The following GPR39 variants were observed in gnomAD, a reference collection of about 807,000 sequenced individuals.
GPR39 encodes the protein G protein-coupled receptor 39, also known as zinc sensing receptor.
A neutral mutation model predicts 18.4 loss-of-function variants in GPR39; 23 were observed. The observed-to-expected ratio is 1.25, with a 90% CI of 0.90 to 1.77. The LOEUF (loss-of-function observed/expected upper bound fraction) is 1.77, where lower values mean the gene tolerates loss of function less well. Ranked by LOEUF, GPR39 falls within the 40% of genes most tolerant of loss-of-function variation. The pLI is 0.00. For synonymous variants in GPR39, 280 were observed against 257.9 expected, an observed-to-expected ratio of 1.09 and a Z score of -0.82; for missense variants, 647 against 602.4, an observed-to-expected ratio of 1.07 and a Z score of -0.78.
In GPR39 at chr2:132,543,745, C is replaced by G. The variant is rs574843903; in HGVS notation, c.857-101356C>G. On this transcript the variant is annotated intron_variant, in intron 1 of 1. Coordinates refer to ENST00000329321, the MANE Select transcript of GPR39 (RefSeq NM_001508.3). ...AATGGATCTTTGTTACTGAACTGAA[C>G]TGGGGTCTCCTCACCCAGCTCAGTA... 8.1e-4 allele frequency among the ~76,000 whole-genome samples: 124 copies of G among 152,256 alleles called. 2 individuals are homozygous for G. The highest frequency in any genetic ancestry group is 2.8e-3 in the African/African-American group (117 of 41,566).
chr2:132,557,854 C>T (rs1453984519), intron 1 of GPR39, among the ~76,000 whole-genome samples: 2 of 152,206 alleles, frequency 1.3e-5, no homozygotes, highest in African/African-American at 4.8e-5. Flanking sequence ...TGACCTCCCC[C>T]ATGCCGCCCG....
intron 1 of GPR39, among the ~76,000 whole-genome samples, chr2:132,543,660 A>G (rs1452179614): frequency 1.3e-5 from 2 of 152,178 alleles, no homozygotes; most frequent in African/African-American, 2.4e-5. Flanking sequence ...TAGCAGCCAC[A>G]TTAGTATTAT....
intron 1 of GPR39, among the ~76,000 whole-genome samples, chr2:132,628,110 C>A (rs758437505): frequency 2.0e-5 from 3 of 152,170 alleles, no homozygotes; most frequent in Non-Finnish European, 2.9e-5. Flanking sequence ...TGGACTGCCC[C>A]CAGCCCCCAA....
chr2:132,607,935 A>T (rs1487629553), intron 1 of GPR39, among the ~76,000 whole-genome samples: 4 of 152,204 alleles, frequency 2.6e-5, no homozygotes. Context: ...AATAATTATT[A>T]AAACCCAGAA....
At chr2:132,516,539 A>G (rs967727691) in intron 1 of GPR39, among the ~76,000 whole-genome samples, 2 of 152,238 alleles carry the variant, frequency 1.3e-5, no homozygotes, top group Admixed American at 1.3e-4. Context: ...AGCAAAGAAC[A>G]TACAATGTCA....
intron 1 of GPR39, among the ~76,000 whole-genome samples, chr2:132,463,004 A>G (rs1680861168): frequency 1.3e-5 from 2 of 152,210 alleles, no homozygotes; most frequent in South Asian, 4.2e-4. Flanking sequence ...CAGAAAATGT[A>G]CTCTGTTCAT....
intron 1 of GPR39, among the ~76,000 whole-genome samples, chr2:132,527,250 T>C (rs1021362765): frequency 6.6e-6 from 1 of 152,222 alleles, no homozygotes; most frequent in Admixed American, 6.5e-5. Context: ...TTCATCCATG[T>C]CCCTGCAAAG....
chr2:132,605,731 G>A (rs1681125619), intron 1 of GPR39, among the ~76,000 whole-genome samples: 1 of 152,182 alleles, frequency 6.6e-6, no homozygotes, highest in South Asian at 2.1e-4. Flanking sequence ...TCCCCATTAA[G>A]AATCCCTGAG....
intron 1 of GPR39, among the ~76,000 whole-genome samples, chr2:132,435,974 G>A (rs36007270): frequency 1.3e-5 from 2 of 152,166 alleles, no homozygotes; most frequent in Admixed American, 6.5e-5. Context: ...GAAAGCAAAA[G>A]TGTCAGCCCA....
chr2:132,534,159 C>T (rs1019884827), intron 1 of GPR39, among the ~76,000 whole-genome samples: 2 of 151,872 alleles, frequency 1.3e-5, no homozygotes, highest in Non-Finnish European at 2.9e-5. Flanking sequence ...AAAAACAACC[C>T]CATCAAAAAG....
At chr2:132,463,534 A>C (rs1680870958) in intron 1 of GPR39, among the ~76,000 whole-genome samples, 2 of 150,378 alleles carry the variant, frequency 1.3e-5, no homozygotes, top group Non-Finnish European at 2.9e-5. Flanking sequence ...TTATGCATCG[A>C]TTTTGGTCTA....
At chr2:132,619,812 CACACAG>C (rs1230200156) in intron 1 of GPR39, among the ~76,000 whole-genome samples, 37 of 145,806 alleles carry the variant, frequency 2.5e-4, no homozygotes, top group East Asian at 9.9e-4. Context: ...CCCCAACATA[CACACAG>C]ACACAGACAC....
At chr2:132,512,978 G>T (rs1484374025) in intron 1 of GPR39, among the ~76,000 whole-genome samples, 2 of 152,190 alleles carry the variant, frequency 1.3e-5, no homozygotes, top group African/African-American at 4.8e-5. Context: ...TCTGCGGGTT[G>T]ACTGGGCTTA....
chr2:132,536,120 G>T (rs577230934), intron 1 of GPR39, among the ~76,000 whole-genome samples: 1 of 151,658 alleles, frequency 6.6e-6, no homozygotes, highest in Middle Eastern at 3.4e-3. Context: ...CTAGCTTTTG[G>T]ATTATTTTGC....
intron 1 of GPR39, among the ~76,000 whole-genome samples, chr2:132,582,104 C>T (rs1573679939): frequency 1.3e-5 from 2 of 152,138 alleles, no homozygotes; most frequent in East Asian, 3.9e-4. Context: ...AGCCGTCTGT[C>T]CTCAGGTCCT....
At chr2:132,635,518 T>A (rs146947489) in intron 1 of GPR39, among the ~76,000 whole-genome samples, 8 of 152,002 alleles carry the variant, frequency 5.3e-5, no homozygotes, top group African/African-American at 1.9e-4. Context: ...TGTGGGCAAT[T>A]GGTGTGAGAG....
chr2:132,457,552 A>G (rs1019894411), intron 1 of GPR39, among the ~76,000 whole-genome samples: 2 of 152,062 alleles, frequency 1.3e-5, no homozygotes, highest in Non-Finnish European at 2.9e-5. Context: ...GTCAGCCCCT[A>G]CTGGGAGGTG....
intron 1 of GPR39, among the ~76,000 whole-genome samples, chr2:132,527,088 C>G (rs946043211): frequency 4.6e-5 from 7 of 152,122 alleles, no homozygotes; most frequent in Admixed American, 3.9e-4. Context: ...TGTCCTAATG[C>G]TCTCCTTCCC....
intron 1 of GPR39, among the ~76,000 whole-genome samples, chr2:132,627,909 C>T (rs1681580991): frequency 6.6e-6 from 1 of 152,136 alleles, no homozygotes; most frequent in African/African-American, 2.4e-5. Flanking sequence ...TGAGGTGTTC[C>T]AAGGCTGACT....
Sources: allele counts gnomAD v4.1 joint callset (sites outside exome capture counted in the v4.1 genomes callset), GRCh38; gene constraint gnomAD v4.1.1; transcripts MANE v1.5; gene names NCBI Gene and HGNC (gene_info 2026-07-23, HGNC 2026-07-21).